Variants in ACOX3 observed in about 807,000 individuals in gnomAD.
The protein encoded by ACOX3 is acyl-CoA oxidase 3, pristanoyl.
A neutral mutation model predicts 81.5 loss-of-function variants in ACOX3; 73 were observed. The ratio of observed to expected loss-of-function variants is 0.90; its 90% confidence interval spans 0.74 to 1.09. ACOX3 has a LOEUF of 1.09. ACOX3 is among the 50% of genes least tolerant of loss of function. The pLI is 0.00. For synonymous variants in ACOX3, 387 were observed against 375.1 expected, an observed-to-expected ratio of 1.03 and a Z score of -0.37; for missense variants, 947 against 928.0, an observed-to-expected ratio of 1.02 and a Z score of -0.27.
the ACOX3 span, chr4:8,356,673 G>C: frequency 2.2e-6 from 1 of 448,090 alleles, no homozygotes; most frequent in Non-Finnish European, 4.4e-6. Flanking sequence ...ACCTGTTCCT[G>C]GCAGGTGAGG....
chr4:8,403,130 C>T (rs1045421614), intron 7 of ACOX3, among the ~76,000 whole-genome samples: 8 of 152,224 alleles, frequency 5.3e-5, no homozygotes, highest in African/African-American at 1.2e-4. Context: ...ACACAATTTA[C>T]GTTTACCTTG....
rs1196800010 is a variant in ACOX3 at position 8,368,035 on chromosome 4, T to G, written c.1984-955A>C. Among the ~76,000 whole-genome samples the G allele has an allele frequency of 2.0e-5, 3 of 151,042 alleles. No homozygotes were observed. Among genetic ancestry groups the G allele is most frequent in the South Asian group, 4.2e-4 (2 of 4,810 alleles). On this transcript the variant is annotated intron_variant, in intron 17 of 17. Transcript: ENST00000356406. This position sits in a 1 kb window ranked among gnomAD's most constrained non-coding sequence, Gnocchi z 5.9. ...CTGATCGTGGCAGTGGACACGCTGT[T>G]TCTTAGTAACTGCAGCCACCGCAGG... is the stretch of plus-strand genomic sequence containing the variant.
At chr4:8,412,493 AGAAT>A (rs774518570) in intron 5 of ACOX3, among the ~76,000 whole-genome samples, 1 of 152,170 alleles carries the variant, frequency 6.6e-6, no homozygotes, top group Non-Finnish European at 1.5e-5. Flanking sequence ...GATGGATGAG[AGAAT>A]GAATGGATGG....
In ACOX3 at chr4:8,405,306, G is replaced by T. The variant is rs1225709481; in HGVS notation, c.776+649C>A. On this transcript the variant is annotated intron_variant, in intron 7 of 17. Transcript: ENST00000356406. This position sits in a 1 kb window ranked among gnomAD's most constrained non-coding sequence, Gnocchi z 7.1. The stretch of plus-strand genomic sequence containing the variant: ...AACGCTGCACATTCCAAAATCACTG[G>T]CCACTTCTCCCCGGCCACCCAGGCC... Among the ~76,000 whole-genome samples the T allele has an allele frequency of 6.6e-6, 1 of 152,044 alleles. No homozygotes were observed. The highest frequency in any genetic ancestry group is 2.4e-5 in the African/African-American group (1 of 41,390).
chr4:8,357,026 C>T, the ACOX3 span: 9 of 455,132 alleles, frequency 2.0e-5, no homozygotes, highest in African/African-American at 6.1e-5. Flanking sequence ...TGCATGCTAA[C>T]GTGATCCCGG....
At chr4:8,378,553 C>T (rs1197569566) in intron 14 of ACOX3, among the ~76,000 whole-genome samples, 2 of 151,704 alleles carry the variant, frequency 1.3e-5, no homozygotes, top group Non-Finnish European at 1.5e-5. Flanking sequence ...GCTGCAGGGA[C>T]GCCACCGCCC....
At position 8,375,241 on chromosome 4, in the gene ACOX3, C is replaced by T. The variant is rs796866963; in HGVS notation, c.1654-89G>A. 113 of 1,330,318 alleles carry T rather than the reference C, an allele frequency of 8.5e-5. No homozygotes were observed. In the African/African-American group the frequency reaches 1.5e-3, roughly 17 times the overall value. 82.4% of individuals were successfully genotyped at this position (1,330,318 alleles called of 1,614,324 possible). A position where few individuals can be genotyped will look rare whatever the true frequency, so the allele number is the denominator to read the frequency against. On this transcript the variant is annotated intron_variant, in intron 14 of 17. Coordinates refer to ENST00000356406, the MANE Select transcript of ACOX3 (RefSeq NM_003501.3). ...AGGAAGTTCTCAGGAAACACGAACG[C>T]GGGTCTGCGTTCCCGTGCATGTCCT... is the stretch of plus-strand genomic sequence containing the variant.
In ACOX3 at chr4:8,389,095, C is replaced by T; in HGVS notation, c.1537+78G>A. On this transcript the variant is annotated intron_variant, in intron 13 of 17. Transcript: ENST00000356406. The surrounding 1 kb of genome is among the most constrained non-coding windows in gnomAD (Gnocchi z 5.3). Reference sequence around the variant, plus strand: ...CGGCTGGAACTGCCAAGGGTCCCCTCACCGAGGCACGGTGCGTTTCCTGGT... The same window carrying T: ...CGGCTGGAACTGCCAAGGGTCCCCTTACCGAGGCACGGTGCGTTTCCTGGT... 1 of 1,248,234 alleles carries T rather than the reference C, an allele frequency of 8.0e-7. No homozygotes were observed. The highest frequency in any genetic ancestry group is 1.2e-6 in the Non-Finnish European group (1 of 868,558). The allele number at this position is 1,248,234 out of a possible 1,614,324, so 77.3% of individuals were successfully genotyped here. A position where few individuals can be genotyped will look rare whatever the true frequency, so the allele number is the denominator to read the frequency against.
chr4:8,434,273 G>A lies in ACOX3; in HGVS notation c.-15+6375C>T, dbSNP rs527841748. Among the ~76,000 whole-genome samples, 11 of 152,306 alleles carry A rather than the reference G, an allele frequency of 7.2e-5. No individual in the cohort carries two copies. In the East Asian group the frequency reaches 2.1e-3, roughly 29 times the overall value. ...AAACAGGCCAAGAATTTCTTTTTCG[G>A]GGGGCTCCGCTCTTAAGCCACAAGT... On this transcript the variant is annotated intron_variant, in intron 1 of 17. Coordinates refer to ENST00000356406, the MANE Select transcript of ACOX3 (RefSeq NM_003501.3).
Position 8,438,212 on chromosome 4 carries a change from A to G in ACOX3, c.-15+2436T>C, listed in dbSNP as rs528222214. 1.1e-4 allele frequency among the ~76,000 whole-genome samples: 17 copies of G among 152,354 alleles called. No individual in the cohort carries two copies. The South Asian group carries it at 3.5e-3, about 32-fold the overall frequency. On this transcript the variant is annotated intron_variant, in intron 1 of 17. Coordinates refer to ENST00000356406, the MANE Select transcript of ACOX3 (RefSeq NM_003501.3). ...AGTGACTAAAGTATTGTTAAAAGAC[A>G]TTATCCCCAGGTTTAGACTGCCTCT...
At chr4:8,361,233 C>T in the ACOX3 span, among the ~76,000 whole-genome samples, 2 of 151,610 alleles carry the variant, frequency 1.3e-5, no homozygotes, top group African/African-American at 4.9e-5. Context: ...ACCATCCTGG[C>T]TAACACGGTG....
At chr4:8,362,078 T>C (rs1331859711), downstream of ACOX3, among the ~76,000 whole-genome samples, 1 of 152,240 alleles carries the variant, frequency 6.6e-6, no homozygotes, top group Non-Finnish European at 1.5e-5. Flanking sequence ...AATTGTTATC[T>C]TGTTTTAATC....
downstream of ACOX3, among the ~76,000 whole-genome samples, chr4:8,362,122 G>T (rs1715242800): frequency 6.6e-6 from 1 of 152,176 alleles, no homozygotes; most frequent in African/African-American, 2.4e-5. Flanking sequence ...CAACTATGGA[G>T]CTCTCACAGG....
intron 1 of ACOX3, among the ~76,000 whole-genome samples, chr4:8,426,240 T>C (rs924526054): frequency 6.6e-6 from 1 of 152,002 alleles, no homozygotes; most frequent in African/African-American, 2.4e-5. Flanking sequence ...CCTGGTAACA[T>C]GGTATTAGTC....
intron 1 of ACOX3, among the ~76,000 whole-genome samples, chr4:8,418,744 C>T (rs1313117973): frequency 6.6e-6 from 1 of 152,054 alleles, no homozygotes; most frequent in East Asian, 1.9e-4. Flanking sequence ...CTTGTAATCC[C>T]AGATGCTCAG....
At chr4:8,376,309 GCTTGA>G (rs986367073) in intron 14 of ACOX3, among the ~76,000 whole-genome samples, 1 of 151,424 alleles carries the variant, frequency 6.6e-6, no homozygotes, top group East Asian at 1.9e-4. Flanking sequence ...CACACGCATT[GCTTGA>G]CTTGTTAGGA....
In ACOX3 at chr4:8,401,077, G is replaced by T. The variant is rs148305804; in HGVS notation, c.777-1425C>A. Among the ~76,000 whole-genome samples, 644 of 152,040 alleles carry T rather than the reference G, an allele frequency of 4.2e-3. 6 individuals are homozygous for T. The highest frequency in any genetic ancestry group is 0.016 in the South Asian group (76 of 4,802). ...AGCGCTCGCCTTAGATCCCTCACATGCGCAGTTCACAGTAGGATTCACGCT... is the reference window on the plus strand; with the variant it reads ...AGCGCTCGCCTTAGATCCCTCACATTCGCAGTTCACAGTAGGATTCACGCT... On this transcript the variant is annotated intron_variant, in intron 7 of 17. Coordinates refer to ENST00000356406, the MANE Select transcript of ACOX3 (RefSeq NM_003501.3).
chr4:8,366,689 A>G lies in ACOX3; in HGVS notation c.*272T>C. 1 of 270,968 alleles carries G rather than the reference A, an allele frequency of 3.7e-6. No individual in the cohort carries two copies. Among genetic ancestry groups the G allele is most frequent in the South Asian group, 6.6e-5 (1 of 15,112 alleles). 16.8% of individuals were successfully genotyped at this position (270,968 alleles called of 1,614,324 possible). A position where few individuals can be genotyped will look rare whatever the true frequency, so the allele number is the denominator to read the frequency against. On this transcript the variant is annotated 3_prime_UTR_variant, in exon 18 of 18. Coordinates refer to ENST00000356406, the MANE Select transcript of ACOX3 (RefSeq NM_003501.3). ...TGAAAACTGAATGTGCGAAATTCTAATTATCAAAAAACCCACGGCGCATCA... is the reference window on the plus strand; with the variant it reads ...TGAAAACTGAATGTGCGAAATTCTAGTTATCAAAAAACCCACGGCGCATCA...
intron 1 of ACOX3, among the ~76,000 whole-genome samples, chr4:8,417,341 G>A (rs1411208862): frequency 6.6e-6 from 1 of 152,272 alleles, no homozygotes; most frequent in East Asian, 1.9e-4. Flanking sequence ...TGGAGCCTGA[G>A]TCTGGCCGCT....
Sources: gnomAD v4.1 joint callset for allele counts (sites outside exome capture counted in the v4.1 genomes callset) on GRCh38, gnomAD v4.1.1 for gene constraint, Gnocchi (gnomAD v3.1) non-coding constraint, MANE v1.5 for transcripts, NCBI Gene and HGNC (gene_info 2026-07-23, HGNC 2026-07-21) for gene names.